The following SPRED2 variants were observed in gnomAD, a reference collection of about 807,000 sequenced individuals.
The protein encoded by SPRED2 is sprouty-related, EVH1 domain-containing protein 2.
A neutral mutation model predicts 43.0 loss-of-function variants in SPRED2; 47 were observed. The observed-to-expected ratio is 1.09, with a 90% CI of 0.87 to 1.40. The LOEUF (loss-of-function observed/expected upper bound fraction) is 1.40. Among genes scored for constraint, SPRED2 ranks in the 40% most tolerant of loss-of-function variants. The probability of loss-of-function intolerance (pLI) is 0.00; values close to 1 mark genes in which losing one functional copy is unlikely to be tolerated. For missense variants in SPRED2, 561 were observed against 586.4 expected (o/e 0.96, Z 0.45); for synonymous variants, 225 against 225.7 (o/e 1.00, Z 0.03).
In SPRED2 at chr2:65,313,268, C is replaced by G; in HGVS notation, c.*233G>C. ...TGGCGAAGGTTCCTTCCTCAGAACA[C>G]TGTGCGAGCGTGTGTGTATGGATGT... On this transcript the variant is annotated 3_prime_UTR_variant, in exon 6 of 6. Coordinates refer to ENST00000356388, the MANE Select transcript of SPRED2 (RefSeq NM_181784.3). 1 of 1,351,400 alleles carries G rather than the reference C, an allele frequency of 7.4e-7. No individual in the cohort carries two copies. Among genetic ancestry groups the G allele is most frequent in the Non-Finnish European group, 9.5e-7 (1 of 1,056,318 alleles). The allele number at this position is 1,351,400 out of a possible 1,614,324, so 83.7% of individuals were successfully genotyped here.
At chr2:65,362,566 G>A (rs1046442615) in intron 1 of SPRED2, among the ~76,000 whole-genome samples, 1 of 151,892 alleles carries the variant, frequency 6.6e-6, no homozygotes, top group Non-Finnish European at 1.5e-5. Flanking sequence ...CACTGCGCCC[G>A]GCCGTCACCT....
chr2:65,358,683 G>A (rs17704661), intron 1 of SPRED2, among the ~76,000 whole-genome samples: 1 of 152,158 alleles, frequency 6.6e-6, no homozygotes, highest in African/African-American at 2.4e-5. Context: ...TGGTCCAAAC[G>A]TAAGTCAGTT....
At chr2:65,323,488 T>C (rs1673498088) in intron 4 of SPRED2, among the ~76,000 whole-genome samples, 1 of 150,026 alleles carries the variant, frequency 6.7e-6, no homozygotes, top group Non-Finnish European at 1.5e-5. Flanking sequence ...TGTCAGAGGG[T>C]ACAGAAATGA....
intron 1 of SPRED2, among the ~76,000 whole-genome samples, chr2:65,418,711 G>A (rs1676348337): frequency 2.0e-5 from 3 of 151,702 alleles, no homozygotes; most frequent in African/African-American, 4.8e-5. Context: ...ACGCCACCAC[G>A]CCCAGCTAAG....
intron 4 of SPRED2, among the ~76,000 whole-genome samples, chr2:65,321,835 G>C (rs1164873371): frequency 1.3e-5 from 2 of 151,748 alleles, no homozygotes; most frequent in Admixed American, 6.6e-5. Flanking sequence ...TGCAGCGGCG[G>C]AATCTCAGCT....
chr2:65,382,198 C>G (rs919096285), intron 1 of SPRED2, among the ~76,000 whole-genome samples: 5 of 152,200 alleles, frequency 3.3e-5, no homozygotes, highest in Non-Finnish European at 4.4e-5. Flanking sequence ...AACAATAGCC[C>G]CTCTGGACAC....
chr2:65,428,954 A>G (rs937752895), intron 1 of SPRED2, among the ~76,000 whole-genome samples: 1 of 152,164 alleles, frequency 6.6e-6, no homozygotes, highest in Non-Finnish European at 1.5e-5. Context: ...TATATTTTTA[A>G]AAGTCTGTAT....
intron 1 of SPRED2, among the ~76,000 whole-genome samples, chr2:65,428,946 T>C (rs1676616102): frequency 6.6e-6 from 1 of 152,240 alleles, no homozygotes; most frequent in Non-Finnish European, 1.5e-5. Context: ...TCTTAAATTA[T>C]ATTTTTAAAA....
intron 1 of SPRED2, among the ~76,000 whole-genome samples, chr2:65,346,004 T>C (rs932632902): frequency 1.4e-4 from 22 of 152,250 alleles, no homozygotes; most frequent in African/African-American, 4.3e-4. Context: ...TTGCGTGTTG[T>C]ATATGCCAGG....
At chr2:65,429,793 T>C (rs1378518891) in intron 1 of SPRED2, among the ~76,000 whole-genome samples, 1 of 152,210 alleles carries the variant, frequency 6.6e-6, no homozygotes, top group Admixed American at 6.5e-5. Context: ...AGTCTCTAAG[T>C]GAAACTAGAA....
intron 1 of SPRED2, among the ~76,000 whole-genome samples, chr2:65,362,330 C>G (rs545746291): frequency 6.6e-6 from 1 of 151,908 alleles, no homozygotes; most frequent in Admixed American, 6.6e-5. Flanking sequence ...AGTGCAGTGG[C>G]GCGATCTGGG....
chr2:65,355,370 T>C (rs1674619034), intron 1 of SPRED2, among the ~76,000 whole-genome samples: 2 of 152,216 alleles, frequency 1.3e-5, no homozygotes, highest in South Asian at 4.1e-4. Flanking sequence ...CTGAGTTTTT[T>C]TCAAAAACCA....
chr2:65,331,296 C>T (rs889189162), intron 4 of SPRED2, among the ~76,000 whole-genome samples: 4 of 152,138 alleles, frequency 2.6e-5, no homozygotes, highest in South Asian at 4.1e-4. Context: ...AATGCTGTCC[C>T]GCGTAACTTG....
intron 1 of SPRED2, among the ~76,000 whole-genome samples, chr2:65,414,406 G>A (rs1173068918): frequency 6.6e-6 from 1 of 151,882 alleles, no homozygotes; most frequent in Non-Finnish European, 1.5e-5. Context: ...GAGTATCATC[G>A]CCTATCATCA....
chr2:65,344,497 AG>A (rs1286716491), intron 2 of SPRED2: 2 of 686,260 alleles, frequency 2.9e-6, no homozygotes, highest in African/African-American at 3.6e-5. Context: ...TATACTTCTA[AG>A]CATCTCGGAT....
intron 4 of SPRED2, among the ~76,000 whole-genome samples, chr2:65,330,505 C>G (rs1673778026): frequency 6.6e-6 from 1 of 152,036 alleles, no homozygotes; most frequent in South Asian, 2.1e-4. Context: ...TTTAGTTTCA[C>G]AGCAAAACCG....
At chr2:65,417,278 G>A (rs1676307536) in intron 1 of SPRED2, among the ~76,000 whole-genome samples, 1 of 152,146 alleles carries the variant, frequency 6.6e-6, no homozygotes, top group Non-Finnish European at 1.5e-5. Context: ...CTGGTGCCCA[G>A]GTGCAAAAAC....
intron 1 of SPRED2, among the ~76,000 whole-genome samples, chr2:65,388,301 C>T (rs189116720): frequency 7.0e-4 from 106 of 152,318 alleles, no homozygotes; most frequent in African/African-American, 2.4e-3. Context: ...GTAGAGATCG[C>T]GTGTCTCCTA....
chr2:65,405,646 C>T (rs10205362), intron 1 of SPRED2, among the ~76,000 whole-genome samples: 13,349 of 152,234 alleles, frequency 0.088, 1,077 homozygotes, highest in African/African-American at 0.21. Flanking sequence ...CTCCTGAGAA[C>T]ACAAAGGCTA....
Sources: allele counts gnomAD v4.1 joint callset (sites outside exome capture counted in the v4.1 genomes callset), GRCh38; gene constraint gnomAD v4.1.1; transcripts MANE v1.5; gene names NCBI Gene and HGNC (gene_info 2026-07-23, HGNC 2026-07-21).